The following TDRD1 variants were observed in gnomAD, a reference collection of about 807,000 sequenced individuals.
The protein encoded by TDRD1 is tudor domain containing 1.
Under a neutral mutation model 140.6 loss-of-function variants are expected in TDRD1, and 37 were observed. That is an observed-to-expected ratio of 0.26 (90% CI 0.20 to 0.35). The LOEUF is 0.35. Ranked by LOEUF, TDRD1 falls within the 10% of genes least tolerant of loss-of-function variation. The pLI, the probability that TDRD1 is intolerant of heterozygous loss-of-function variation, is 1.00. For missense variants in TDRD1, 1,243 were observed against 1,393.0 expected, an observed-to-expected ratio of 0.89 and a Z score of 1.71; for synonymous variants, 506 against 475.7, an observed-to-expected ratio of 1.06 and a Z score of -0.83.
intron 18 of TDRD1, among the ~76,000 whole-genome samples, chr10:114,219,113 A>G (rs546468907): frequency 6.6e-6 from 1 of 152,356 alleles, no homozygotes; most frequent in Admixed American, 6.5e-5. Context: ...TCTATTGCAC[A>G]GTCATTAAGA....
chr10:114,220,802 T>C, exon 19 of TDRD1: 3 of 1,612,132 alleles, frequency 1.9e-6, no homozygotes, highest in Non-Finnish European at 2.5e-6. Flanking sequence ...GACAGACTTG[T>C]TAATAAACAT....
chr10:114,231,617 T>C (rs992852344), exon 26 of TDRD1: 1 of 981,860 alleles, frequency 1.0e-6, no homozygotes, highest in Non-Finnish European at 1.5e-6. Context: ...TGTAATGACC[T>C]TCTATCCCTC....
chr10:114,213,716 C>T (rs1289912692), intron 15 of TDRD1, 128 bp downstream of exon 15: 1 of 914,146 alleles, frequency 1.1e-6, no homozygotes, highest in Non-Finnish European at 1.6e-6. Flanking sequence ...AAGCATTCAT[C>T]TAAATACTTG....
chr10:114,180,939 C>A (rs143833126), intron 1 of TDRD1, among the ~76,000 whole-genome samples: 3 of 152,284 alleles, frequency 2.0e-5, no homozygotes, highest in Admixed American at 6.5e-5. Context: ...AAATGACTTA[C>A]CCCACTATTC....
At chr10:114,212,664 A>G (rs2035561090) in intron 14 of TDRD1, among the ~76,000 whole-genome samples, 1 of 152,298 alleles carries the variant, frequency 6.6e-6, no homozygotes, top group South Asian at 2.1e-4. Flanking sequence ...CTGATTTGTA[A>G]GTGCCCTTTC....
At chr10:114,225,619 G>A (rs1361785034) in intron 21 of TDRD1, among the ~76,000 whole-genome samples, 4 of 151,652 alleles carry the variant, frequency 2.6e-5, no homozygotes, top group Admixed American at 6.6e-5. Flanking sequence ...CATCACTTTC[G>A]GAGGCTGAGG....
chr10:114,205,698 G>A (rs748351006), intron 10 of TDRD1, among the ~76,000 whole-genome samples: 1 of 152,184 alleles, frequency 6.6e-6, no homozygotes, highest in Non-Finnish European at 1.5e-5. Flanking sequence ...AGGGTAGAAT[G>A]GTTACCAGAG....
chr10:114,181,624 C>T (rs1258322222), intron 1 of TDRD1, among the ~76,000 whole-genome samples: 2 of 152,064 alleles, frequency 1.3e-5, no homozygotes, highest in Admixed American at 1.3e-4. Context: ...GAGGCTGAGG[C>T]GGGCGGATCA....
At chr10:114,202,767 C>A (rs1033016744) in intron 6 of TDRD1, among the ~76,000 whole-genome samples, 4 of 152,226 alleles carry the variant, frequency 2.6e-5, no homozygotes, top group Non-Finnish European at 1.5e-5. Context: ...TTCATTCTTA[C>A]AGAAAACATT....
chr10:114,190,257 T>G (rs35288533), intron 2 of TDRD1, among the ~76,000 whole-genome samples: 2 of 152,192 alleles, frequency 1.3e-5, no homozygotes, highest in African/African-American at 4.8e-5. Flanking sequence ...ATTATCAGCA[T>G]GTAATGCATT....
chr10:114,186,640 A>G (rs1314703722), intron 1 of TDRD1, among the ~76,000 whole-genome samples: 1 of 151,938 alleles, frequency 6.6e-6, no homozygotes. Flanking sequence ...CTGTCCCTTC[A>G]ATTTAGGCGT....
At chr10:114,194,889 A>G (rs1409318359) in intron 3 of TDRD1, among the ~76,000 whole-genome samples, 1 of 149,242 alleles carries the variant, frequency 6.7e-6, no homozygotes, top group Non-Finnish European at 1.5e-5. Flanking sequence ...CTCCTGGAGT[A>G]ATTGGGACTA....
In TDRD1 at chr10:114,217,535, G is replaced by A; in HGVS notation, c.2213-10G>A. The A allele has an allele frequency of 7.1e-7, 1 of 1,417,710 alleles. No homozygotes were observed. Among genetic ancestry groups the A allele is most frequent in the Non-Finnish European group, 9.7e-7 (1 of 1,025,896 alleles). 87.8% of individuals were successfully genotyped at this position (1,417,710 alleles called of 1,614,324 possible). A position where few individuals can be genotyped will look rare whatever the true frequency, so the allele number is the denominator to read the frequency against. Reference sequence around the variant, plus strand: ...TGTTCTTAATTTTTTAATCCTATGTGTATTTTCAGCTTTAAAGAAACTCAA... The same window carrying A: ...TGTTCTTAATTTTTTAATCCTATGTATATTTTCAGCTTTAAAGAAACTCAA... On this transcript the variant is annotated splice_polypyrimidine_tract_variant and intron_variant, in intron 16 of 25. Transcript: ENST00000251864.
intron 5 of TDRD1, 98 bp from the exon 6 acceptor site, chr10:114,202,140 C>G (rs1420434048): frequency 3.2e-6 from 3 of 923,450 alleles, no homozygotes; most frequent in East Asian, 2.6e-5. Flanking sequence ...TTTGCTCTTT[C>G]AGGATTTTGT....
In TDRD1 at chr10:114,203,295, A is replaced by G. The variant is rs901807933; in HGVS notation, c.802-93A>G. On this transcript the variant is annotated intron_variant, in intron 7 of 25. Transcript: ENST00000251864. ...CATAAACATTGCAAAAACTGCCTAC[A>G]ATGCTGTTTGTGTCTTAGTTACAAA... 9.3e-6 allele frequency: 14 copies of G among 1,504,512 alleles called. No homozygotes were observed. The African/African-American group carries it at 9.8e-5, about 11-fold the overall frequency. 93.2% of individuals were successfully genotyped at this position (1,504,512 alleles called of 1,614,324 possible).
At chr10:114,182,931 G>A (rs959459176) in intron 1 of TDRD1, among the ~76,000 whole-genome samples, 13 of 151,996 alleles carry the variant, frequency 8.6e-5, no homozygotes, top group African/African-American at 1.2e-4. Flanking sequence ...TGATCCGCCC[G>A]CCTCAGCCTC....
chr10:114,217,350 T>C (rs2133118589), intron 16 of TDRD1, among the ~76,000 whole-genome samples, 195 bp from the exon 17 acceptor site: 1 of 152,298 alleles, frequency 6.6e-6, no homozygotes, highest in Non-Finnish European at 1.5e-5. Flanking sequence ...GTTGGGTTTA[T>C]TGAAAGTATT....
chr10:114,221,603 A>G, intron 20 of TDRD1, 127 bp downstream of exon 20: 3 of 924,304 alleles, frequency 3.2e-6, no homozygotes, highest in Non-Finnish European at 4.9e-6. Flanking sequence ...AGAACTGATC[A>G]TAACACTTAA....
chr10:114,231,239 CTT>C (rs931221141), intron 25 of TDRD1, among the ~76,000 whole-genome samples: 8 of 152,054 alleles, frequency 5.3e-5, no homozygotes, highest in Non-Finnish European at 1.2e-4. Flanking sequence ...TGTCAGATAT[CTT>C]TTATATATAA....
Sources: gnomAD v4.1 joint callset for allele counts (sites outside exome capture counted in the v4.1 genomes callset) on GRCh38, gnomAD v4.1.1 for gene constraint, MANE v1.5 for transcripts, NCBI Gene and HGNC (gene_info 2026-07-23, HGNC 2026-07-21) for gene names.